C1orf21: variants seen among roughly 807,000 people sequenced by gnomAD.
C1orf21 encodes chromosome 1 open reading frame 21.
In C1orf21, 3 loss-of-function variants were observed where a neutral mutation model predicts 18.7. The observed-to-expected ratio is 0.16, with a 90% CI of 0.07 to 0.42. The LOEUF (loss-of-function observed/expected upper bound fraction) is 0.42, where lower values mean the gene tolerates loss of function less well. Ranked by LOEUF, C1orf21 falls within the 10% of genes least tolerant of loss-of-function variation. The probability of loss-of-function intolerance (pLI) is 0.99; values close to 1 mark genes in which losing one functional copy is unlikely to be tolerated. For synonymous variants in C1orf21, 41 were observed against 46.4 expected, an observed-to-expected ratio of 0.88 and a Z score of 0.47; for missense variants, 104 against 143.6, an observed-to-expected ratio of 0.72 and a Z score of 1.41.
intron 5 of C1orf21, among the ~76,000 whole-genome samples, chr1:184,605,673 T>C (rs1659637705): frequency 6.6e-6 from 1 of 152,162 alleles, no homozygotes; most frequent in South Asian, 2.1e-4. Flanking sequence ...AAGCCAAGGA[T>C]TGGCTCTGGC....
intron 1 of C1orf21, among the ~76,000 whole-genome samples, chr1:184,448,203 C>A (rs1171535415): frequency 6.6e-6 from 1 of 152,196 alleles, no homozygotes; most frequent in Non-Finnish European, 1.5e-5. Context: ...CCTACCTCAG[C>A]CTCCCAAGTA....
intron 3 of C1orf21, among the ~76,000 whole-genome samples, chr1:184,570,953 T>C (rs1388234741): frequency 6.6e-6 from 1 of 152,202 alleles, no homozygotes; most frequent in African/African-American, 2.4e-5. Context: ...CAAGCGTTTA[T>C]ACACAATGAT....
At chr1:184,432,225 A>G (rs933207899) in intron 1 of C1orf21, among the ~76,000 whole-genome samples, 2 of 152,248 alleles carry the variant, frequency 1.3e-5, no homozygotes, top group Admixed American at 6.5e-5. Context: ...ATGCACATGT[A>G]TGTTTATTGC....
chr1:184,396,086 T>C (rs1488662118), intron 1 of C1orf21, among the ~76,000 whole-genome samples: 1 of 152,166 alleles, frequency 6.6e-6, no homozygotes, highest in Admixed American at 6.5e-5. Flanking sequence ...GGTTATGGAT[T>C]GATGTCGCTG....
chr1:184,600,549 C>G (rs1332972016), intron 5 of C1orf21, among the ~76,000 whole-genome samples: 1 of 152,164 alleles, frequency 6.6e-6, no homozygotes, highest in East Asian at 1.9e-4. Flanking sequence ...CTGAGATCCC[C>G]TTTTGCTTTT....
At chr1:184,563,869 G>A (rs1419022298) in intron 3 of C1orf21, among the ~76,000 whole-genome samples, 2 of 152,198 alleles carry the variant, frequency 1.3e-5, no homozygotes, top group East Asian at 3.8e-4. Flanking sequence ...TAACTGTCTG[G>A]TGAATTTTAG....
At chr1:184,614,218 G>A (rs1254314904) in intron 5 of C1orf21, among the ~76,000 whole-genome samples, 1 of 152,162 alleles carries the variant, frequency 6.6e-6, no homozygotes, top group African/African-American at 2.4e-5. Context: ...AATTTATTAA[G>A]CACCTACCAT....
In C1orf21 at chr1:184,619,841, G is replaced by A. The variant is rs1000435892; in HGVS notation, c.*285G>A. 9.7e-6 allele frequency: 3 copies of A among 309,076 alleles called. No individual in the cohort carries two copies. Among genetic ancestry groups the A allele is most frequent in the African/African-American group, 2.2e-5 (1 of 45,538 alleles). 19.1% of individuals were successfully genotyped at this position (309,076 alleles called of 1,614,324 possible). A position where few individuals can be genotyped will look rare whatever the true frequency, so the allele number is the denominator to read the frequency against. On this transcript the variant is annotated 3_prime_UTR_variant, in exon 6 of 6. Coordinates refer to ENST00000235307, the MANE Select transcript of C1orf21 (RefSeq NM_030806.4). ...GTGTCCAGGTATGCAGCAAAATTCT[G>A]CAATTTCACCTTAAAGATACTGTTG...
At chr1:184,447,783 T>C (rs1557974441) in intron 1 of C1orf21, among the ~76,000 whole-genome samples, 3 of 152,194 alleles carry the variant, frequency 2.0e-5, no homozygotes, top group Admixed American at 2.0e-4. Flanking sequence ...TCCTTGCCTC[T>C]ATCCCCATCT....
chr1:184,625,427 C>T lies in C1orf21; in HGVS notation c.*5871C>T, dbSNP rs1194204943. 1 of 152,620 alleles carries T rather than the reference C, an allele frequency of 6.6e-6. No individual in the cohort carries two copies. The highest frequency in any genetic ancestry group is 2.4e-5 in the African/African-American group (1 of 41,434). The allele number at this position is 152,620 out of a possible 1,614,324, so 9.5% of individuals were successfully genotyped here. A position where few individuals can be genotyped will look rare whatever the true frequency, so the allele number is the denominator to read the frequency against. ...GAAAGTTTTGCAATAGATTTCAAGCCAGTTTTTCCATTCAAACCAAGATGC... is the reference window on the plus strand; with the variant it reads ...GAAAGTTTTGCAATAGATTTCAAGCTAGTTTTTCCATTCAAACCAAGATGC... On this transcript the variant is annotated 3_prime_UTR_variant, in exon 6 of 6. Transcript: ENST00000235307.
At chr1:184,504,756 G>A (rs1417375006) in intron 2 of C1orf21, among the ~76,000 whole-genome samples, 2 of 152,210 alleles carry the variant, frequency 1.3e-5, no homozygotes, top group Non-Finnish European at 1.5e-5. Context: ...TGTTGTGTAA[G>A]TAATAATGAT....
chr1:184,463,078 A>G (rs1366879664), intron 1 of C1orf21, among the ~76,000 whole-genome samples: 6 of 122,770 alleles, frequency 4.9e-5, no homozygotes, highest in Non-Finnish European at 8.4e-5. Context: ...GCAAGACTCC[A>G]TCTCAAAAAA....
intron 3 of C1orf21, among the ~76,000 whole-genome samples, chr1:184,540,445 T>C (rs576698209): frequency 6.6e-6 from 1 of 152,052 alleles, no homozygotes; most frequent in Non-Finnish European, 1.5e-5. Flanking sequence ...GTTTTGTTTT[T>C]TTTTTTGAGA....
rs1012335508 is a variant in C1orf21 at position 184,400,732 on chromosome 1, C to T, written c.-125+13364C>T. The stretch of plus-strand genomic sequence containing the variant: ...GATGGGGGTTTATTTGTAAGTCAAA[C>T]AAAGCCAGAATTGAAACTTCATTTA... On this transcript the variant is annotated intron_variant, in intron 1 of 5. Transcript: ENST00000235307. 4.6e-5 allele frequency among the ~76,000 whole-genome samples: 7 copies of T among 152,188 alleles called. No homozygotes were observed. In the South Asian group the frequency reaches 1.0e-3, roughly 23 times the overall value.
At chr1:184,591,846 C>CCCA in intron 4 of C1orf21, among the ~76,000 whole-genome samples, 1 of 151,464 alleles carries the variant, frequency 6.6e-6, no homozygotes, top group Admixed American at 6.6e-5. Flanking sequence ...GGTAACTAAA[C>CCCA]TGTGGCATCT....
intron 3 of C1orf21, among the ~76,000 whole-genome samples, chr1:184,560,401 A>G (rs921519726): frequency 1.2e-4 from 18 of 152,196 alleles, no homozygotes; most frequent in South Asian, 8.3e-4. Flanking sequence ...AACCACTAGA[A>G]TGAATAAGAT....
intron 2 of C1orf21, among the ~76,000 whole-genome samples, chr1:184,491,813 C>A (rs762117241): frequency 6.6e-6 from 1 of 152,118 alleles, no homozygotes; most frequent in Non-Finnish European, 1.5e-5. Context: ...GCCCTGCACC[C>A]AAGAGGTTGC....
At chr1:184,587,655 G>GTTTT (rs3034488) in intron 3 of C1orf21, among the ~76,000 whole-genome samples, 1 of 128,010 alleles carries the variant, frequency 7.8e-6, no homozygotes, top group Non-Finnish European at 1.7e-5. Flanking sequence ...TTTTTGTATG[G>GTTTT]TTTTTTTTTT....
At chr1:184,453,136 A>G (rs1323241424) in intron 1 of C1orf21, among the ~76,000 whole-genome samples, 1 of 152,204 alleles carries the variant, frequency 6.6e-6, no homozygotes, top group Non-Finnish European at 1.5e-5. Context: ...TACAGCCCAC[A>G]TCACTTTGGG....
Sources: gnomAD v4.1 joint callset for allele counts (sites outside exome capture counted in the v4.1 genomes callset) on GRCh38, gnomAD v4.1.1 for gene constraint, MANE v1.5 for transcripts, NCBI Gene and HGNC (gene_info 2026-07-23, HGNC 2026-07-21) for gene names.